Variants in GALC observed in about 807,000 individuals in gnomAD.
The protein encoded by GALC is galactosylceramidase, also known as galactocerebrosidase.
A neutral mutation model predicts 91.8 loss-of-function variants in GALC; 77 were observed. The ratio of observed to expected loss-of-function variants is 0.84; its 90% confidence interval spans 0.70 to 1.01. The LOEUF is 1.01. GALC is among the 50% of genes least tolerant of loss of function. The pLI is 0.00. For missense variants in GALC, 882 were observed against 855.9 expected (o/e 1.03, Z -0.38); for synonymous variants, 357 against 306.7 (o/e 1.16, Z -1.71).
intron 7 of GALC, among the ~76,000 whole-genome samples, chr14:87,975,913 G>T (rs1043533049): frequency 6.6e-6 from 1 of 152,074 alleles, no homozygotes; most frequent in Non-Finnish European, 1.5e-5. Context: ...TAAAGAGTAG[G>T]CATCAAAACT....
intron 5 of GALC, among the ~76,000 whole-genome samples, chr14:87,983,406 T>G (rs181781794): frequency 6.6e-6 from 1 of 152,356 alleles, no homozygotes; most frequent in East Asian, 1.9e-4. Context: ...TTCTTTCTTC[T>G]GACTTCCTCC....
chr14:87,957,630 C>A (rs1595207046), intron 10 of GALC, among the ~76,000 whole-genome samples: 1 of 152,012 alleles, frequency 6.6e-6, no homozygotes, highest in East Asian at 1.9e-4. Flanking sequence ...ACTGCTAGAT[C>A]TGATAAATGA....
Position 87,993,036 on chromosome 14 carries a change from G to T in GALC, c.129C>A (p.Tyr43Ter), listed in dbSNP as rs1057516816. The change falls in exon 1 of 17, where the codon TAC becomes TAA. Residue 43 changes from tyrosine to a stop codon, truncating the protein, a stop_gained. Coordinates refer to ENST00000261304, the MANE Select transcript of GALC (RefSeq NM_000153.4). LOFTEE classifies it high-confidence loss of function. ...CCAGCCCGTCGGAGTCGTCGAGCAC[G>T]TACGCGCCGCCGGGCGCCAGCAGCG... ...LCALLAPGGA[Y>*]VLDDSDGLGR... The T allele has an allele frequency of 1.9e-6, 3 of 1,555,306 alleles. No homozygotes were observed. Among genetic ancestry groups the T allele is most frequent in the South Asian group, 1.2e-5 (1 of 85,224 alleles).
rs775139610 is a variant in GALC, at chr14:87,948,277, C to T, written c.1339-399G>A. Among the ~76,000 whole-genome samples, 11 of 151,934 alleles carry T rather than the reference C, an allele frequency of 7.2e-5. No homozygotes were observed. The South Asian group carries it at 1.0e-3, about 14-fold the overall frequency. ...AAAAAAATTCATAAAATATCACTGTCGACCCAGCTGTTAATCACAGAAATC... is the reference window on the plus strand; with the variant it reads ...AAAAAAATTCATAAAATATCACTGTTGACCCAGCTGTTAATCACAGAAATC... On this transcript the variant is annotated intron_variant, in intron 12 of 16. Coordinates refer to ENST00000261304, the MANE Select transcript of GALC (RefSeq NM_000153.4).
At chr14:87,992,230 C>T in intron 1 of GALC, 1 of 1,495,240 alleles carries the variant, frequency 6.7e-7, no homozygotes, top group Non-Finnish European at 9.0e-7. Context: ...CCGAGTTCAA[C>T]CTTAACATTT....
At chr14:87,967,770 A>T (rs1425332554) in intron 8 of GALC, among the ~76,000 whole-genome samples, 2 of 152,190 alleles carry the variant, frequency 1.3e-5, no homozygotes, top group Non-Finnish European at 2.9e-5. Context: ...TGTCATCAAA[A>T]ATGAGGAATA....
At chr14:87,953,337 G>C (rs1272917151) in intron 10 of GALC, 2 of 1,428,674 alleles carry the variant, frequency 1.4e-6, no homozygotes, top group Non-Finnish European at 2.0e-6. Context: ...GTTACGGGAA[G>C]ATAAGAATAT....
chr14:87,978,501 T>C (rs1357437783), intron 6 of GALC, among the ~76,000 whole-genome samples: 2 of 152,258 alleles, frequency 1.3e-5, no homozygotes, highest in African/African-American at 4.8e-5. Context: ...TTCCAAAATT[T>C]ACAAGTCTAC....
chr14:87,961,551 T>A (rs1371706092), intron 10 of GALC, among the ~76,000 whole-genome samples: 1 of 152,168 alleles, frequency 6.6e-6, no homozygotes, highest in Non-Finnish European at 1.5e-5. Flanking sequence ...ATGATGGGGT[T>A]CAAGACACAC....
Position 87,952,783 on chromosome 14 carries a change from A to C in GALC, c.1162-2035T>G, listed in dbSNP as rs545773525. On this transcript the variant is annotated intron_variant, in intron 10 of 16. Coordinates refer to ENST00000261304, the MANE Select transcript of GALC (RefSeq NM_000153.4). ...GATTACTTTGTACATTCTGTTTCTG[A>C]AACACAGAATATAGAATCCCAGAAG... 7.9e-6 allele frequency: 12 copies of C among 1,516,648 alleles called. No homozygotes were observed. The South Asian group carries it at 1.2e-4, about 16-fold the overall frequency. 93.9% of individuals were successfully genotyped at this position (1,516,648 alleles called of 1,614,324 possible). A position where few individuals can be genotyped will look rare whatever the true frequency, so the allele number is the denominator to read the frequency against.
At chr14:87,992,785 G>A (rs1160296706) in intron 1 of GALC, 185 bp downstream of exon 1, 3 of 1,412,004 alleles carry the variant, frequency 2.1e-6, no homozygotes, top group African/African-American at 1.4e-5. Context: ...CGTGTTAAAC[G>A]AGAAAGCACC....
chr14:87,972,522 G>A (rs1057308319), intron 7 of GALC, among the ~76,000 whole-genome samples: 5 of 152,038 alleles, frequency 3.3e-5, no homozygotes, highest in East Asian at 1.9e-4. Flanking sequence ...GCTATTATCC[G>A]ATGATTTTTG....
At position 87,941,414 on chromosome 14, in the gene GALC, G is replaced by GT. The variant is rs766007316; in HGVS notation, c.1814dup (p.Tyr605Ter). 37 of 1,602,956 alleles carry GT rather than the reference G, an allele frequency of 2.3e-5. No individual in the cohort carries two copies. Among genetic ancestry groups the GT allele is most frequent in the Non-Finnish European group, 3.1e-5 (36 of 1,172,998 alleles). Residue 605 changes from tyrosine (Y) to a stop codon, truncating the protein, a stop_gained and frameshift_variant, in exon 15 of 17, where the codon TAC (tyrosine) becomes TAAC (stop). Coordinates refer to ENST00000261304, the MANE Select transcript of GALC (RefSeq NM_000153.4). LOFTEE classifies it high-confidence loss of function. ...AGTTACCTAAATCACCTGTAACCCT[G>GT]TAAGATCCATTTGCAAAAATCCAGA... ...IFFWIFANGS[Y>*]RVTGDLAGWI...
rs139500142 is a variant in GALC, at chr14:87,937,161, T to C, written c.1912-2283A>G. On this transcript the variant is annotated intron_variant, in intron 16 of 16. Coordinates refer to ENST00000261304, the MANE Select transcript of GALC (RefSeq NM_000153.4). Reference sequence around the variant, plus strand: ...GCTGTAATTTGGAATATGGGCAACATAGAAGATGATGTTTTGTTTTTTTTA... The same window carrying C: ...GCTGTAATTTGGAATATGGGCAACACAGAAGATGATGTTTTGTTTTTTTTA... Among the ~76,000 whole-genome samples, 1,413 of 151,760 alleles carry C rather than the reference T, an allele frequency of 9.3e-3. 20 individuals are homozygous for C. Among genetic ancestry groups the C allele is most frequent in the African/African-American group, 0.031 (1,280 of 41,388 alleles).
At chr14:87,993,235 G>T (rs952835457), upstream of GALC, 1 of 1,545,386 alleles carries the variant, frequency 6.5e-7, no homozygotes, top group African/African-American at 1.4e-5. Flanking sequence ...ACGGGCAGGA[G>T]GCCGCTGATG....
intron 11 of GALC, 92 bp from the exon 12 acceptor site, chr14:87,950,023 G>C: frequency 1.4e-6 from 1 of 729,710 alleles, no homozygotes; most frequent in South Asian, 1.5e-5. Flanking sequence ...ATGTACCAAT[G>C]ACAATATTAT....
At position 87,934,069 on chromosome 14, in the gene GALC, T is replaced by C; in HGVS notation, c.*663A>G. On this transcript the variant is annotated 3_prime_UTR_variant, in exon 17 of 17. Transcript: ENST00000261304. ...ACTTGGAATCAAAAAAATTAAATAATGCAAATAACCCAATTAATCTGCTAA... is the reference window on the plus strand; with the variant it reads ...ACTTGGAATCAAAAAAATTAAATAACGCAAATAACCCAATTAATCTGCTAA... 6.5e-7 allele frequency: 1 copy of C among 1,529,360 alleles called. No individual in the cohort carries two copies. The highest frequency in any genetic ancestry group is 1.2e-5 in the South Asian group (1 of 83,704). The allele number at this position is 1,529,360 out of a possible 1,614,324, so 94.7% of individuals were successfully genotyped here. A position where few individuals can be genotyped will look rare whatever the true frequency, so the allele number is the denominator to read the frequency against.
In GALC at chr14:87,934,045, C is replaced by T. The variant is rs1884466383; in HGVS notation, c.*687G>A. On this transcript the variant is annotated 3_prime_UTR_variant, in exon 17 of 17. Coordinates refer to ENST00000261304, the MANE Select transcript of GALC (RefSeq NM_000153.4). ...AGTTATAGTGGTTACAAGACCAAAA[C>T]TTGGAATCAAAAAAATTAAATAATG... The T allele has an allele frequency of 6.5e-7, 1 of 1,533,014 alleles. No individual in the cohort carries two copies. 95.0% of individuals were successfully genotyped at this position (1,533,014 alleles called of 1,614,324 possible). A position where few individuals can be genotyped will look rare whatever the true frequency, so the allele number is the denominator to read the frequency against.
chr14:87,977,660 C>T (rs955644509), intron 6 of GALC, among the ~76,000 whole-genome samples: 3 of 152,154 alleles, frequency 2.0e-5, no homozygotes, highest in African/African-American at 7.2e-5. Context: ...GCAGCAGATG[C>T]TCAATACTAC....
Sources: allele counts gnomAD v4.1 joint callset (sites outside exome capture counted in the v4.1 genomes callset), GRCh38; gene constraint gnomAD v4.1.1; transcripts MANE v1.5; gene names NCBI Gene and HGNC (gene_info 2026-07-23, HGNC 2026-07-21).